LRIG3: variants seen among roughly 807,000 people sequenced by gnomAD.
LRIG3 encodes leucine-rich repeats and immunoglobulin-like domains protein 3.
A neutral mutation model predicts 114.5 loss-of-function variants in LRIG3; 76 were observed. The observed-to-expected ratio is 0.66, with a 90% CI of 0.55 to 0.80. The LOEUF (loss-of-function observed/expected upper bound fraction) is 0.80. Ranked by LOEUF, LRIG3 falls within the 30% of genes least tolerant of loss-of-function variation. The pLI, the probability that LRIG3 is intolerant of heterozygous loss-of-function variation, is 0.00. For synonymous variants in LRIG3, 512 were observed against 519.8 expected, an observed-to-expected ratio of 0.98 and a Z score of 0.20; for missense variants, 1,239 against 1,382.8, an observed-to-expected ratio of 0.90 and a Z score of 1.65.
chr12:58,882,652 T>C (rs1871157926), intron 12 of LRIG3, among the ~76,000 whole-genome samples: 1 of 152,096 alleles, frequency 6.6e-6, no homozygotes, highest in Non-Finnish European at 1.5e-5. Flanking sequence ...CACCGCACCA[T>C]CCTGATGCCA....
intron 9 of LRIG3, 60 bp from the exon 10 acceptor site, chr12:58,885,962 T>A: frequency 9.2e-7 from 1 of 1,082,450 alleles, no homozygotes; most frequent in Non-Finnish European, 1.4e-6. Context: ...GGTGGAACTC[T>A]CATAAACAGA....
At chr12:58,913,212 A>G (rs549079447) in intron 3 of LRIG3, among the ~76,000 whole-genome samples, 15 of 152,228 alleles carry the variant, frequency 9.9e-5, no homozygotes, top group Non-Finnish European at 1.5e-4. Context: ...AAAGAAAAAC[A>G]TTTTTTAACA....
In LRIG3 at chr12:58,879,119, A is replaced by G. The variant is rs1565614180; in HGVS notation, c.1802-14T>C. On this transcript the variant is annotated splice_polypyrimidine_tract_variant and intron_variant, in intron 13 of 18. Transcript: ENST00000320743. ...ATGAGGGAAGCACTGAAATCAGAGA[A>G]ACAATATAGGCATTAGCACAGTGGA... 6.2e-7 allele frequency: 1 copy of G among 1,605,936 alleles called. No homozygotes were observed. Among genetic ancestry groups the G allele is most frequent in the Admixed American group, 1.7e-5 (1 of 59,514 alleles).
chr12:58,874,220 T>G lies in LRIG3; in HGVS notation c.2950A>C (p.Ser984Arg). Reference sequence around the variant, plus strand: ...GAAGGCCACGATATATTACTGAAGCTCCGTTCGCAGGATTCTTCTGAAGGA... The same window carrying G: ...GAAGGCCACGATATATTACTGAAGCGCCGTTCGCAGGATTCTTCTGAAGGA... ...SHPSEESCER[S>R]FSNISWPSHV... The change falls in exon 18 of 19, where the codon AGC (serine) becomes CGC (arginine). Residue 984 changes from serine to arginine, a missense_variant. Coordinates refer to ENST00000320743, the MANE Select transcript of LRIG3 (RefSeq NM_153377.5). 1 of 1,614,188 alleles carries G rather than the reference T, an allele frequency of 6.2e-7. No individual in the cohort carries two copies. The highest frequency in any genetic ancestry group is 8.5e-7 in the Non-Finnish European group (1 of 1,180,032).
At position 58,888,942 on chromosome 12, in the gene LRIG3, A is replaced by G; in HGVS notation, c.680T>C (p.Ile227Thr). 6.2e-7 allele frequency: 1 copy of G among 1,613,420 alleles called. No individual in the cohort carries two copies. Among genetic ancestry groups the G allele is most frequent in the African/African-American group, 1.3e-5 (1 of 74,994 alleles). The change falls in exon 6 of 19, where the codon ATT (isoleucine) becomes ACT (threonine). Residue 227 changes from isoleucine (I) to threonine (T), a missense_variant. Transcript: ENST00000320743. ...GAATGTCAGTCCATCTACATTTTTA[A>G]TCTTGTTTCGGTTCAATTCGCTGCA... Reference protein sequence around the residue: ...LQHLELNRNKIKNVDGLTFQG... With the variant: ...LQHLELNRNKTKNVDGLTFQG...
chr12:58,876,360 G>A (rs932440934), intron 16 of LRIG3, 85 bp downstream of exon 16: 11 of 1,444,390 alleles, frequency 7.6e-6, no homozygotes, highest in Non-Finnish European at 9.4e-6. Context: ...TGTTATCAAT[G>A]TCTTGTGAAA....
chr12:58,903,966 T>C (rs1026321655), intron 3 of LRIG3, among the ~76,000 whole-genome samples: 3 of 152,166 alleles, frequency 2.0e-5, no homozygotes, highest in African/African-American at 7.2e-5. Flanking sequence ...TTGGTGACTG[T>C]AGCCTTGTAG....
chr12:58,915,897 G>C (rs1333063646), intron 1 of LRIG3, among the ~76,000 whole-genome samples: 3 of 152,194 alleles, frequency 2.0e-5, no homozygotes, highest in Non-Finnish European at 4.4e-5. Flanking sequence ...CCAAGGAAAA[G>C]AGTCTTTCAC....
intron 1 of LRIG3, among the ~76,000 whole-genome samples, chr12:58,918,136 G>A (rs1872545717): frequency 6.6e-6 from 1 of 152,226 alleles, no homozygotes; most frequent in African/African-American, 2.4e-5. Context: ...CAGGGTTCCT[G>A]ACAACAGACT....
chr12:58,907,837 C>A (rs1872123786), intron 3 of LRIG3, among the ~76,000 whole-genome samples: 1 of 152,090 alleles, frequency 6.6e-6, no homozygotes, highest in African/African-American at 2.4e-5. Flanking sequence ...TTAGTGAGCA[C>A]CTTCTGTGTG....
intron 5 of LRIG3, 118 bp from the exon 6 acceptor site, chr12:58,889,080 T>C: frequency 2.1e-6 from 2 of 959,074 alleles, no homozygotes; most frequent in Non-Finnish European, 1.5e-6. Flanking sequence ...ATACAGTGTT[T>C]TCAGTTTCTA....
intron 3 of LRIG3, among the ~76,000 whole-genome samples, chr12:58,897,605 T>A (rs1032701570): frequency 6.6e-6 from 1 of 151,808 alleles, no homozygotes; most frequent in African/African-American, 2.4e-5. Context: ...AAAAAATCAA[T>A]AAAAGAAAAA....
At chr12:58,888,572 A>G in intron 6 of LRIG3, 100 bp from the exon 7 acceptor site, 1 of 1,461,224 alleles carries the variant, frequency 6.8e-7, no homozygotes, top group Non-Finnish European at 9.2e-7. Context: ...TCCTATTGTT[A>G]TTAGATGTTT....
chr12:58,880,320 G>T (rs1565614531), intron 13 of LRIG3: 5 of 487,864 alleles, frequency 1.0e-5, no homozygotes, highest in Non-Finnish European at 1.5e-5. Flanking sequence ...AAAAGAAAAA[G>T]AAAAAAAAAA....
intron 3 of LRIG3, among the ~76,000 whole-genome samples, chr12:58,904,998 T>C (rs1462278952): frequency 6.6e-6 from 1 of 152,156 alleles, no homozygotes; most frequent in Non-Finnish European, 1.5e-5. Context: ...ATTTAAACAG[T>C]GCAGGCAGGG....
In LRIG3 at chr12:58,874,246, T is replaced by C; in HGVS notation, c.2924A>G (p.His975Arg). ...CCGTTCGCAGGATTCTTCTGAAGGA[T>C]GAGAACATGGGTAGCACTCCTTTTT... Reference protein sequence around the residue: ...IKKKECYPCSHPSEESCERSF... With the variant: ...IKKKECYPCSRPSEESCERSF... The change falls in exon 18 of 19, where the codon CAT becomes CGT. Residue 975 changes from histidine to arginine, a missense_variant. Transcript: ENST00000320743. The C allele has an allele frequency of 1.2e-6, 2 of 1,614,188 alleles. No individual in the cohort carries two copies. The highest frequency in any genetic ancestry group is 1.7e-6 in the Non-Finnish European group (2 of 1,180,026).
rs371888311 is a variant in LRIG3, at chr12:58,876,545, A to G, written c.2595T>C (p.Ala865=). 1.9e-6 allele frequency: 3 copies of G among 1,614,104 alleles called. No homozygotes were observed. Among genetic ancestry groups the G allele is most frequent in the Non-Finnish European group, 2.5e-6 (3 of 1,180,038 alleles). The stretch of plus-strand genomic sequence containing the variant: ...AAGACACGTACCCATCCTGCCTGTC[A>G]GCTAACGTTCCCTGAGATGACAAAT... ...PSYLSSQGTL[A]DRQDGYVSSE... is the part of the protein sequence containing the mutation. Residue 865 remains alanine (A), a synonymous_variant, in exon 16 of 19, where the codon GCT becomes GCC. Transcript: ENST00000320743.
intron 3 of LRIG3, among the ~76,000 whole-genome samples, chr12:58,900,762 G>C (rs1024493389): frequency 2.0e-5 from 3 of 152,158 alleles, no homozygotes; most frequent in African/African-American, 7.2e-5. Flanking sequence ...TTCATTTTAT[G>C]TTCTGATATG....
chr12:58,888,695 A>T, intron 6 of LRIG3, 124 bp downstream of exon 6: 2 of 1,383,262 alleles, frequency 1.4e-6, no homozygotes, highest in South Asian at 2.9e-5. Flanking sequence ...CTGAATACTG[A>T]CTTATAAATA....
Sources: gnomAD v4.1 joint callset for allele counts (sites outside exome capture counted in the v4.1 genomes callset) on GRCh38, gnomAD v4.1.1 for gene constraint, MANE v1.5 for transcripts, NCBI Gene and HGNC (gene_info 2026-07-23, HGNC 2026-07-21) for gene names.